Variants in COL5A2 observed in about 807,000 individuals in gnomAD.
COL5A2 encodes the protein collagen type V alpha 2 chain, also known as collagen alpha-2(V) chain.
In COL5A2, 23 loss-of-function variants were observed where a neutral mutation model predicts 208.2. The observed-to-expected ratio is 0.11, with a 90% CI of 0.08 to 0.16. The LOEUF (loss-of-function observed/expected upper bound fraction) is 0.16, where lower values mean the gene tolerates loss of function less well. Among genes scored for constraint, COL5A2 ranks in the 10% least tolerant of loss-of-function variants. COL5A2 has a pLI of 1.00. For missense variants in COL5A2, 1,590 were observed against 1,956.4 expected (o/e 0.81, Z 3.53); for synonymous variants, 625 against 628.5 (o/e 0.99, Z 0.08).
the COL5A2 span, among the ~76,000 whole-genome samples, chr2:189,326,770 T>G: frequency 6.6e-6 from 1 of 150,892 alleles, no homozygotes; most frequent in Non-Finnish European, 1.5e-5. Flanking sequence ...AATAATAACA[T>G]CTATAAAAAT....
chr2:189,325,685 T>C, the COL5A2 span, among the ~76,000 whole-genome samples: 1 of 152,212 alleles, frequency 6.6e-6, no homozygotes, highest in African/African-American at 2.4e-5. Context: ...GGAGGAAAAA[T>C]GTACTTATAC....
chr2:189,212,987 C>T (rs1337997430), intron 1 of COL5A2, among the ~76,000 whole-genome samples: 1 of 151,930 alleles, frequency 6.6e-6, no homozygotes, highest in Non-Finnish European at 1.5e-5. Context: ...CTCCTGGGCT[C>T]AAGCAATTCT....
the COL5A2 span, among the ~76,000 whole-genome samples, chr2:189,369,484 T>G: frequency 6.6e-6 from 1 of 152,152 alleles, no homozygotes; most frequent in African/African-American, 2.4e-5. Flanking sequence ...CTAATCTCTA[T>G]CTTTTAACTG....
the COL5A2 span, among the ~76,000 whole-genome samples, chr2:189,312,441 G>A: frequency 6.6e-6 from 1 of 152,150 alleles, no homozygotes; most frequent in African/African-American, 2.4e-5. Context: ...ACAGACACTG[G>A]CTGCACTGCT....
At chr2:189,122,503 T>C (rs1293230144) in intron 1 of COL5A2, among the ~76,000 whole-genome samples, 1 of 152,196 alleles carries the variant, frequency 6.6e-6, no homozygotes, top group Non-Finnish European at 1.5e-5. Flanking sequence ...ATGTGATACC[T>C]CTTCCACTAG....
the COL5A2 span, among the ~76,000 whole-genome samples, chr2:189,313,906 T>C: frequency 6.6e-6 from 1 of 152,176 alleles, no homozygotes; most frequent in South Asian, 2.1e-4. Flanking sequence ...ATCCTAAATA[T>C]ATATGCACAC....
chr2:189,286,768 T>C, the COL5A2 span, among the ~76,000 whole-genome samples: 1 of 152,180 alleles, frequency 6.6e-6, no homozygotes, highest in African/African-American at 2.4e-5. Context: ...AATTCATAAA[T>C]ACAATATGGA....
chr2:189,420,454 G>T, the COL5A2 span, among the ~76,000 whole-genome samples: 1 of 152,046 alleles, frequency 6.6e-6, no homozygotes, highest in Non-Finnish European at 1.5e-5. Flanking sequence ...GATGCCAGGA[G>T]TTTTCTCCAT....
chr2:189,032,769 G>C lies in COL5A2; in HGVS notation c.*1301C>G, dbSNP rs1685361502. 6.6e-6 allele frequency: 1 copy of C among 152,586 alleles called. No homozygotes were observed. Among genetic ancestry groups the C allele is most frequent in the Non-Finnish European group, 1.5e-5 (1 of 68,018 alleles). 9.5% of individuals were successfully genotyped at this position (152,586 alleles called of 1,614,324 possible). A position where few individuals can be genotyped will look rare whatever the true frequency, so the allele number is the denominator to read the frequency against. On this transcript the variant is annotated 3_prime_UTR_variant, in exon 54 of 54. Coordinates refer to ENST00000374866, the MANE Select transcript of COL5A2 (RefSeq NM_000393.5). ...ACAGAGGAACAGTGAACAAGCATTG[G>C]AACGATGCTCTTTCTTTCAGAAACG...
the COL5A2 span, among the ~76,000 whole-genome samples, chr2:189,293,848 G>T: frequency 6.6e-6 from 1 of 152,276 alleles, no homozygotes; most frequent in African/African-American, 2.4e-5. Flanking sequence ...CACTTTGGGA[G>T]GCCAAGGCGG....
chr2:189,358,001 T>A, the COL5A2 span, among the ~76,000 whole-genome samples: 37 of 152,082 alleles, frequency 2.4e-4, 1 homozygote, highest in African/African-American at 7.0e-4. Context: ...CCCTTGCACC[T>A]CCCAGGTGAG....
In COL5A2 at chr2:189,057,429, TA is replaced by T; in HGVS notation, c.2230-3del. On this transcript the variant is annotated splice_polypyrimidine_tract_variant and splice_region_variant and intron_variant, in intron 33 of 53. Coordinates refer to ENST00000374866, the MANE Select transcript of COL5A2 (RefSeq NM_000393.5). ...GGTCCCAGATGGACCTGGACTGCCC[TA>T]AAATGAACCAACATTAAGTGACCAT... 1.2e-6 allele frequency: 2 copies of T among 1,600,462 alleles called. No homozygotes were observed. The highest frequency in any genetic ancestry group is 2.2e-5 in the South Asian group (2 of 90,768).
the COL5A2 span, among the ~76,000 whole-genome samples, chr2:189,366,875 C>T: frequency 6.6e-6 from 1 of 152,182 alleles, no homozygotes; most frequent in Non-Finnish European, 1.5e-5. Flanking sequence ...ATTGTCACGA[C>T]TTTCTCAAAT....
chr2:189,118,938 TC>T (rs1443198372), intron 1 of COL5A2, among the ~76,000 whole-genome samples: 1 of 13,050 alleles, frequency 7.7e-5, no homozygotes, highest in Non-Finnish European at 1.7e-3. Context: ...GGTAATAGAA[TC>T]TTTAAAAAAA....
the COL5A2 span, among the ~76,000 whole-genome samples, chr2:189,417,601 A>G: frequency 6.6e-6 from 1 of 152,092 alleles, no homozygotes; most frequent in South Asian, 2.1e-4. Context: ...TTTATGATAT[A>G]TAACCTTCCC....
chr2:189,318,983 G>A, the COL5A2 span, among the ~76,000 whole-genome samples: 3 of 151,854 alleles, frequency 2.0e-5, no homozygotes, highest in Admixed American at 6.6e-5. Context: ...ATATCCCCAG[G>A]ATATGTGGTA....
chr2:189,117,191 G>A lies in COL5A2; in HGVS notation c.98-6742C>T, dbSNP rs183341770. On this transcript the variant is annotated intron_variant, in intron 1 of 53. Transcript: ENST00000374866. ...ACGTGAAACTAAAACTACACATACTGCACATGCAATGCTCATCTACAGTTC... is the reference window on the plus strand; with the variant it reads ...ACGTGAAACTAAAACTACACATACTACACATGCAATGCTCATCTACAGTTC... Among the ~76,000 whole-genome samples the A allele has an allele frequency of 2.7e-3, 413 of 152,240 alleles. 2 individuals are homozygous for A. The highest frequency in any genetic ancestry group is 9.3e-3 in the African/African-American group (385 of 41,546).
chr2:189,050,783 G>C, intron 42 of COL5A2, 107 bp from the exon 43 acceptor site: 1 of 907,700 alleles, frequency 1.1e-6, no homozygotes, highest in Non-Finnish European at 1.7e-6. Context: ...GTATGAAAAA[G>C]AAGTTCTCTG....
the COL5A2 span, among the ~76,000 whole-genome samples, chr2:189,395,199 T>A: frequency 6.6e-6 from 1 of 152,224 alleles, no homozygotes; most frequent in Non-Finnish European, 1.5e-5. Context: ...TCACACTTTA[T>A]TTTACCATTT....
Sources: allele counts gnomAD v4.1 joint callset (sites outside exome capture counted in the v4.1 genomes callset), GRCh38; gene constraint gnomAD v4.1.1; transcripts MANE v1.5; gene names NCBI Gene and HGNC (gene_info 2026-07-23, HGNC 2026-07-21).